GK: variants seen among roughly 807,000 people sequenced by gnomAD.
The protein encoded by GK is ATP:glycerol 3-phosphotransferase.
Under a neutral mutation model 56.4 loss-of-function variants are expected in GK, and 9 were observed. The ratio of observed to expected loss-of-function variants is 0.16; its 90% CI spans 0.10 to 0.28. The LOEUF is 0.28. Among genes scored for constraint, GK ranks in the 10% least tolerant of loss-of-function variants. The pLI is 1.00. For synonymous variants in GK, 104 were observed against 144.1 expected, an observed-to-expected ratio of 0.72 and a Z score of 1.99; for missense variants, 161 against 431.4, an observed-to-expected ratio of 0.37 and a Z score of 5.55.
intron 1 of GK, among the ~76,000 whole-genome samples, chrX:30,656,606 C>A (rs111321353): frequency 2.7e-5 from 3 of 111,077 alleles, no homozygotes; most frequent in Admixed American, 1.9e-4. Flanking sequence ...AATTCCCCCC[C>A]CTTCCTACAG....
intron 1 of GK, among the ~76,000 whole-genome samples, chrX:30,665,300 A>G (rs1333980362): frequency 8.9e-6 from 1 of 111,774 alleles, no homozygotes; most frequent in East Asian, 2.8e-4. Flanking sequence ...TTTATCTTCA[A>G]TAGGTTTCTT....
At chrX:30,669,546 A>G (rs184643308) in intron 3 of GK, among the ~76,000 whole-genome samples, 1 of 111,919 alleles carries the variant, frequency 8.9e-6, no homozygotes, top group Non-Finnish European at 1.9e-5. Context: ...GGGAAAAAAA[A>G]TCCAGCCACC....
intron 4 of GK, among the ~76,000 whole-genome samples, chrX:30,688,322 C>A (rs1934728978): frequency 9.0e-6 from 1 of 110,844 alleles, no homozygotes; most frequent in Non-Finnish European, 1.9e-5. Context: ...CTTGGAGAAC[C>A]ATCTGATTAT....
intron 4 of GK, among the ~76,000 whole-genome samples, chrX:30,685,526 TC>T (rs1307644561): frequency 8.9e-6 from 1 of 112,207 alleles, no homozygotes; most frequent in Non-Finnish European, 1.9e-5. Context: ...CCACTTATTT[TC>T]CGTTAAAAAA....
At chrX:30,680,349 T>C (rs1204372608) in intron 4 of GK, among the ~76,000 whole-genome samples, 4 of 112,299 alleles carry the variant, frequency 3.6e-5, no homozygotes, top group Non-Finnish European at 5.6e-5. Context: ...TCCAATGGCA[T>C]GTAGCTATAA....
intron 18 of GK, 50 bp from the exon 19 acceptor site, chrX:30,724,051 T>A (rs1318006714): frequency 1.3e-6 from 1 of 758,899 alleles, no homozygotes; most frequent in Non-Finnish European, 2.0e-6. Context: ...ACTAAGAACA[T>A]CTCAGCAAAC....
intron 13 of GK, among the ~76,000 whole-genome samples, chrX:30,708,874 G>A (rs1936170373): frequency 8.9e-6 from 1 of 111,913 alleles, no homozygotes; most frequent in Non-Finnish European, 1.9e-5. Flanking sequence ...TGGAGTGCCT[G>A]ATAATAATTT....
chrX:30,678,072 C>T (rs774394468), intron 4 of GK: 1 of 523,283 alleles, frequency 1.9e-6, no homozygotes, highest in Non-Finnish European at 3.5e-6. Flanking sequence ...GAGATCTTAC[C>T]TCCTTACCCT....
chrX:30,667,113 C>A (rs1387396344), intron 2 of GK, among the ~76,000 whole-genome samples: 1 of 110,485 alleles, frequency 9.1e-6, no homozygotes, highest in Non-Finnish European at 1.9e-5. Context: ...GAGATTGCGC[C>A]ACTGCACTCC....
chrX:30,703,825 G>A (rs760683798), intron 11 of GK, among the ~76,000 whole-genome samples: 118 of 108,679 alleles, frequency 1.1e-3, no homozygotes, highest in Non-Finnish European at 2.0e-3. Context: ...GCTGGGTGTG[G>A]TGGTGAGTGC....
chrX:30,674,674 T>A (rs969249441), intron 3 of GK, among the ~76,000 whole-genome samples: 77 of 110,915 alleles, frequency 6.9e-4, no homozygotes, highest in African/African-American at 2.2e-3. Context: ...AAATATTTTT[T>A]AAAAAATATA....
At chrX:30,699,256 C>T (rs1935468971) in intron 9 of GK, among the ~76,000 whole-genome samples, 1 of 94,739 alleles carries the variant, frequency 1.1e-5, no homozygotes, top group East Asian at 3.3e-4. Flanking sequence ...GTTATATATA[C>T]ATGTTATGTA....
chrX:30,683,782 A>C (rs976893564), intron 4 of GK, among the ~76,000 whole-genome samples: 5 of 112,367 alleles, frequency 4.4e-5, no homozygotes, highest in African/African-American at 6.5e-5. Context: ...GGAAAGTGTT[A>C]CTTTGCATCA....
chrX:30,709,424 C>G (rs951389436), intron 13 of GK, among the ~76,000 whole-genome samples: 1 of 111,839 alleles, frequency 8.9e-6, no homozygotes, highest in Non-Finnish European at 1.9e-5. Context: ...AGCATTGGAC[C>G]TGCATTGGTT....
At chrX:30,727,027 G>A (rs191172538) in intron 19 of GK, among the ~76,000 whole-genome samples, 4 of 112,042 alleles carry the variant, frequency 3.6e-5, no homozygotes, top group African/African-American at 9.7e-5. Context: ...GCAAACATAG[G>A]GTTTTAAATT....
At chrX:30,717,260 T>G (rs1190446639) in intron 13 of GK, among the ~76,000 whole-genome samples, 1 of 111,319 alleles carries the variant, frequency 9.0e-6, no homozygotes, top group East Asian at 2.8e-4. Context: ...AAAAAATTTC[T>G]TGGTATTCCT....
intron 4 of GK, among the ~76,000 whole-genome samples, chrX:30,686,392 T>A (rs1934615964): frequency 8.9e-6 from 1 of 112,497 alleles, no homozygotes; most frequent in Admixed American, 9.4e-5. Flanking sequence ...GTCAGCAGTC[T>A]GTGCTTAGGA....
chrX:30,704,893 G>A (rs1200835430), intron 11 of GK, among the ~76,000 whole-genome samples: 2 of 111,975 alleles, frequency 1.8e-5, no homozygotes, highest in Non-Finnish European at 3.8e-5. Flanking sequence ...CAAGAGTGAA[G>A]TTGTACTAGA....
chrX:30,677,579 C>A (rs1933991821), intron 4 of GK, 127 bp downstream of exon 4: 1 of 527,382 alleles, frequency 1.9e-6, no homozygotes, highest in Non-Finnish European at 3.5e-6. Flanking sequence ...GTAATCCCAG[C>A]ACTTCGGGAG....
Sources: gnomAD v4.1 joint callset for allele counts (sites outside exome capture counted in the v4.1 genomes callset) on GRCh38, gnomAD v4.1.1 for gene constraint, MANE v1.5 for transcripts, NCBI Gene and HGNC (gene_info 2026-07-23, HGNC 2026-07-21) for gene names.